The following SASH1 variants were observed in gnomAD, a reference collection of about 807,000 sequenced individuals.
The protein encoded by SASH1 is SAM and SH3 domain-containing protein 1.
In SASH1, 44 loss-of-function variants were observed where a neutral mutation model predicts 125.2. That is an observed-to-expected ratio of 0.35 (90% confidence interval 0.28 to 0.45). The LOEUF (loss-of-function observed/expected upper bound fraction) is 0.45. SASH1 is among the 20% of genes least tolerant of loss of function. The probability of loss-of-function intolerance (pLI) is 1.00; values close to 1 mark genes in which losing one functional copy is unlikely to be tolerated. For synonymous variants in SASH1, 639 were observed against 649.1 expected, an observed-to-expected ratio of 0.98 and a Z score of 0.24; for missense variants, 1,426 against 1,614.5, an observed-to-expected ratio of 0.88 and a Z score of 2.00.
the SASH1 span, among the ~76,000 whole-genome samples, chr6:148,265,261 G>C: frequency 6.6e-6 from 1 of 150,888 alleles, no homozygotes; most frequent in Non-Finnish European, 1.5e-5. Context: ...AGTGAGCTAA[G>C]CAGGTTCCAC....
At chr6:148,410,620 A>G (rs1340090801) in intron 2 of SASH1, among the ~76,000 whole-genome samples, 2 of 152,218 alleles carry the variant, frequency 1.3e-5, no homozygotes, top group African/African-American at 4.8e-5. Context: ...CTGTAAGCCA[A>G]TGAATCACAA....
intron 4 of SASH1, among the ~76,000 whole-genome samples, chr6:148,459,766 T>C (rs1324736446): frequency 1.3e-5 from 2 of 152,194 alleles, no homozygotes; most frequent in Non-Finnish European, 2.9e-5. Flanking sequence ...TGTGCAGGCA[T>C]GTAGTAAGTA....
At chr6:148,380,640 T>C (rs1583053584) in intron 1 of SASH1, among the ~76,000 whole-genome samples, 1 of 152,378 alleles carries the variant, frequency 6.6e-6, no homozygotes, top group East Asian at 1.9e-4. Flanking sequence ...CCATTTTGAG[T>C]CTGAATCTAG....
intron 8 of SASH1, among the ~76,000 whole-genome samples, chr6:148,499,057 G>GTTTT (rs4052628): frequency 0.028 from 3,567 of 126,914 alleles, 82 homozygotes; most frequent in Non-Finnish European, 0.042. Context: ...TCTTTTTTTT[G>GTTTT]TTTTTTTTTT....
In SASH1 at chr6:148,319,063, G is replaced by C. The variant is rs1475545682; in HGVS notation, n.74+46686G>C. Among the ~76,000 whole-genome samples, 7 of 101,048 alleles carry C rather than the reference G, an allele frequency of 6.9e-5. No individual in the cohort carries two copies. In the East Asian group the frequency reaches 1.8e-3, roughly 26 times the overall value. The allele number at this position is 101,048 out of a possible 152,430, so 66.3% of individuals were successfully genotyped here. ...TTTTTTTTTTTTTGAGACGGAGTCT[G>C]GCTCTGTAGCCCAGGCTGGAGTGCA... On this transcript the variant is annotated intron_variant and non_coding_transcript_variant, in intron 1 of 3. Coordinates refer to the SASH1 transcript ENST00000367469.
intron 1 of SASH1, among the ~76,000 whole-genome samples, chr6:148,371,295 T>C (rs113242665): frequency 0.039 from 5,995 of 151,984 alleles, 192 homozygotes; most frequent in South Asian, 0.16. Context: ...TTTTTTTTTT[T>C]ATCCAGGCTG....
intron 5 of SASH1, among the ~76,000 whole-genome samples, chr6:148,470,448 CAG>C (rs1175189725): frequency 6.6e-6 from 1 of 152,212 alleles, no homozygotes; most frequent in East Asian, 1.9e-4. Flanking sequence ...CAAGTGGTGA[CAG>C]AGCTGCTATT....
the SASH1 span, among the ~76,000 whole-genome samples, chr6:148,253,906 A>G: frequency 6.6e-6 from 1 of 151,104 alleles, no homozygotes; most frequent in Non-Finnish European, 1.5e-5. Context: ...ATAAATAAAT[A>G]AAAAGAAATA....
At chr6:148,285,946 G>A (rs1412255079) in intron 1 of SASH1, among the ~76,000 whole-genome samples, 3 of 76,296 alleles carry the variant, frequency 3.9e-5, no homozygotes, top group Non-Finnish European at 8.7e-5. Context: ...AAAGATTGAA[G>A]TTTAGTTCTA....
At chr6:148,487,752 C>A in intron 8 of SASH1, 37 bp downstream of exon 8, 2 of 1,397,418 alleles carry the variant, frequency 1.4e-6, no homozygotes, top group Non-Finnish European at 2.0e-6. Flanking sequence ...TGATCACCTA[C>A]GCCGATAAGG....
At chr6:148,277,085 G>C (rs1779205721) in intron 1 of SASH1, among the ~76,000 whole-genome samples, 1 of 152,140 alleles carries the variant, frequency 6.6e-6, no homozygotes, top group South Asian at 2.1e-4. Context: ...GATAAAGAAA[G>C]GGGACACACG....
intron 1 of SASH1, among the ~76,000 whole-genome samples, chr6:148,343,447 G>A (rs1214161200): frequency 6.6e-6 from 1 of 152,148 alleles, no homozygotes; most frequent in Admixed American, 6.5e-5. Flanking sequence ...TTAAACAATC[G>A]GGTATGATAT....
At chr6:148,367,336 A>G (rs542450944) in intron 1 of SASH1, among the ~76,000 whole-genome samples, 1 of 152,372 alleles carries the variant, frequency 6.6e-6, no homozygotes, top group African/African-American at 2.4e-5. Context: ...CCTTTTAGCA[A>G]TCCTCAGTTG....
At chr6:148,399,214 C>CTTTTTTTTT (rs371374910) in intron 2 of SASH1, among the ~76,000 whole-genome samples, 9 of 106,668 alleles carry the variant, frequency 8.4e-5, no homozygotes, top group African/African-American at 2.6e-4. Context: ...ATTTCAGCTT[C>CTTTTTTTTT]TTTTTTTTTT....
At chr6:148,316,277 G>A (rs945770922) in intron 1 of SASH1, among the ~76,000 whole-genome samples, 1 of 152,162 alleles carries the variant, frequency 6.6e-6, no homozygotes, top group African/African-American at 2.4e-5. Context: ...TTCAATGAGA[G>A]AGGCTGAGAG....
chr6:148,414,676 A>AT (rs145461021), intron 2 of SASH1, among the ~76,000 whole-genome samples: 1,661 of 151,230 alleles, frequency 0.011, 31 homozygotes, highest in African/African-American at 0.038. Context: ...TTTATTTTTT[A>AT]TTTTTTTGAG....
intron 2 of SASH1, among the ~76,000 whole-genome samples, chr6:148,412,010 A>G (rs752927394): frequency 2.0e-5 from 3 of 152,236 alleles, no homozygotes; most frequent in Non-Finnish European, 4.4e-5. Flanking sequence ...CCGTTTTGAT[A>G]TAATTTATGT....
intron 1 of SASH1, among the ~76,000 whole-genome samples, chr6:148,384,212 T>G (rs1263324413): frequency 6.6e-6 from 1 of 152,128 alleles, no homozygotes; most frequent in Admixed American, 6.6e-5. Flanking sequence ...TTTCACAATT[T>G]TCTCAAAAAA....
In SASH1 at chr6:148,410,750, G is replaced by C. The variant is rs1169291757; in HGVS notation, c.285+20488G>C. On this transcript the variant is annotated intron_variant, in intron 2 of 19. Coordinates refer to ENST00000367467, the MANE Select transcript of SASH1 (RefSeq NM_015278.5). ...AACAACCATGTTGCTTTAGATATGA[G>C]TGTTCAGTGTAAGGTGGGTTAGTTG... is the stretch of plus-strand genomic sequence containing the variant. 5.3e-5 allele frequency among the ~76,000 whole-genome samples: 8 copies of C among 152,206 alleles called. No individual in the cohort carries two copies. The East Asian group carries it at 1.5e-3, about 29-fold the overall frequency.
Sources: allele counts gnomAD v4.1 joint callset (sites outside exome capture counted in the v4.1 genomes callset), GRCh38; gene constraint gnomAD v4.1.1; transcripts MANE v1.5; gene names NCBI Gene and HGNC (gene_info 2026-07-23, HGNC 2026-07-21).